RFWD3: variants seen among roughly 807,000 people sequenced by gnomAD.
RFWD3 encodes ring finger and WD repeat domain 3.
A neutral mutation model predicts 87.7 loss-of-function variants in RFWD3; 65 were observed. That is an observed-to-expected ratio of 0.74 (90% CI 0.61 to 0.91). The LOEUF (loss-of-function observed/expected upper bound fraction) is 0.91. RFWD3 is among the 40% of genes least tolerant of loss of function. RFWD3 has a pLI of 0.00. For missense variants in RFWD3, 1,078 were observed against 938.5 expected, an observed-to-expected ratio of 1.15 and a Z score of -1.94; for synonymous variants, 433 against 352.8, an observed-to-expected ratio of 1.23 and a Z score of -2.55.
chr16:74,657,940 T>A (rs79197706), intron 2 of RFWD3, among the ~76,000 whole-genome samples: 2 of 152,282 alleles, frequency 1.3e-5, no homozygotes, highest in South Asian at 4.1e-4. Flanking sequence ...CGTATATCAA[T>A]AGAATTCTAC....
At chr16:74,632,792 G>C (rs1959141698) in intron 8 of RFWD3, 119 bp from the exon 9 acceptor site, 1 of 877,580 alleles carries the variant, frequency 1.1e-6, no homozygotes, top group Admixed American at 2.8e-5. Flanking sequence ...TTGGGAACCA[G>C]CTGGTCAAAC....
chr16:74,654,370 CCT>C (rs1369005203), intron 2 of RFWD3, among the ~76,000 whole-genome samples: 1 of 151,480 alleles, frequency 6.6e-6, no homozygotes, highest in African/African-American at 2.4e-5. Flanking sequence ...TTTGTTTGTT[CCT>C]CTGTTATTTA....
intron 12 of RFWD3, among the ~76,000 whole-genome samples, chr16:74,625,761 CAA>C (rs1222417999): frequency 1.3e-5 from 2 of 152,242 alleles, no homozygotes; most frequent in Non-Finnish European, 2.9e-5. Context: ...TCTAGTCACA[CAA>C]GTTTATATTT....
chr16:74,621,828 G>A lies in RFWD3; in HGVS notation c.*2100C>T, dbSNP rs888345662. Reference sequence around the variant, plus strand: ...TCCTGCCTCAGCCTCCCAAGTAGCTGGGACTACAGGCATGCGCACCACTGC... The same window carrying A: ...TCCTGCCTCAGCCTCCCAAGTAGCTAGGACTACAGGCATGCGCACCACTGC... On this transcript the variant is annotated 3_prime_UTR_variant, in exon 13 of 13. Coordinates refer to ENST00000361070, the MANE Select transcript of RFWD3 (RefSeq NM_018124.4). 2.0e-5 allele frequency: 3 copies of A among 152,138 alleles called. No individual in the cohort carries two copies. Among genetic ancestry groups the A allele is most frequent in the Admixed American group, 6.6e-5 (1 of 15,252 alleles). 9.4% of individuals were successfully genotyped at this position (152,138 alleles called of 1,614,324 possible). A position where few individuals can be genotyped will look rare whatever the true frequency, so the allele number is the denominator to read the frequency against.
chr16:74,652,187 G>A, intron 2 of RFWD3, 65 bp from the exon 3 acceptor site: 1 of 1,419,404 alleles, frequency 7.0e-7, no homozygotes, highest in Non-Finnish European at 9.8e-7. Flanking sequence ...ACAATCTATA[G>A]TGATTTGAAG....
chr16:74,630,237 A>C (rs141980359), intron 10 of RFWD3, among the ~76,000 whole-genome samples: 5 of 152,212 alleles, frequency 3.3e-5, no homozygotes, highest in Non-Finnish European at 5.9e-5. Flanking sequence ...CTGGGATTAC[A>C]GGCGTGTGCC....
intron 12 of RFWD3, among the ~76,000 whole-genome samples, chr16:74,625,622 C>T (rs1280930221): frequency 1.3e-5 from 2 of 151,918 alleles, no homozygotes; most frequent in East Asian, 1.9e-4. Flanking sequence ...TCTTATAGAA[C>T]GCCCACAACC....
chr16:74,665,003 C>T (rs1038699231), intron 1 of RFWD3, among the ~76,000 whole-genome samples: 3 of 152,150 alleles, frequency 2.0e-5, no homozygotes, highest in Admixed American at 6.6e-5. Context: ...GTCACACAAA[C>T]GCTGTTTTTT....
rs149366908 is a variant in RFWD3 at position 74,640,677 on chromosome 16, T to A, written c.1080-2707A>T. On this transcript the variant is annotated intron_variant, in intron 6 of 12. Coordinates refer to ENST00000361070, the MANE Select transcript of RFWD3 (RefSeq NM_018124.4). ...TTTTTTGGCCAGGCGCAGTGGCTCA[T>A]GCCTGTAATCCCAGCACTCTGGGAG... Among the ~76,000 whole-genome samples the A allele has an allele frequency of 1.7e-4, 25 of 151,222 alleles. No homozygotes were observed. In the East Asian group the frequency reaches 2.2e-3, roughly 13 times the overall value.
At chr16:74,665,402 AC>A (rs1961801411) in intron 1 of RFWD3, 1 of 151,826 alleles carries the variant, frequency 6.6e-6, no homozygotes, top group Admixed American at 6.6e-5. Context: ...ATATGGTGAA[AC>A]CCCGTCTCCA....
chr16:74,641,414 C>G (rs1053494292), intron 6 of RFWD3, among the ~76,000 whole-genome samples: 6 of 152,046 alleles, frequency 3.9e-5, no homozygotes, highest in Admixed American at 2.6e-4. Flanking sequence ...CCGCCCACCT[C>G]AGCCCCTCAA....
rs1029446625 is a variant in RFWD3 at position 74,622,754 on chromosome 16, A to G, written c.*1174T>C. ...ATTCTGTTGTGGAAGTGGGTTGGCA[A>G]AGTAGTCTGAGGCAAGGCAAAGAAA... On this transcript the variant is annotated 3_prime_UTR_variant, in exon 13 of 13. Coordinates refer to ENST00000361070, the MANE Select transcript of RFWD3 (RefSeq NM_018124.4). 1 of 152,188 alleles carries G rather than the reference A, an allele frequency of 6.6e-6. No homozygotes were observed. Among genetic ancestry groups the G allele is most frequent in the South Asian group, 2.1e-4 (1 of 4,832 alleles). The allele number at this position is 152,188 out of a possible 1,614,324, so 9.4% of individuals were successfully genotyped here.
At position 74,622,775 on chromosome 16, in the gene RFWD3, A is replaced by G. The variant is rs1331049936; in HGVS notation, c.*1153T>C. 1 of 152,230 alleles carries G rather than the reference A, an allele frequency of 6.6e-6. No homozygotes were observed. Among genetic ancestry groups the G allele is most frequent in the African/African-American group, 2.4e-5 (1 of 41,456 alleles). The allele number at this position is 152,230 out of a possible 1,614,324, so 9.4% of individuals were successfully genotyped here. A position where few individuals can be genotyped will look rare whatever the true frequency, so the allele number is the denominator to read the frequency against. ...GGCAAAGTAGTCTGAGGCAAGGCAAAGAAATACAAACTGAGCCCTAGAAAA... is the reference window on the plus strand; with the variant it reads ...GGCAAAGTAGTCTGAGGCAAGGCAAGGAAATACAAACTGAGCCCTAGAAAA... On this transcript the variant is annotated 3_prime_UTR_variant, in exon 13 of 13. Coordinates refer to ENST00000361070, the MANE Select transcript of RFWD3 (RefSeq NM_018124.4).
At chr16:74,633,563 C>A (rs1959166942) in intron 8 of RFWD3, among the ~76,000 whole-genome samples, 1 of 152,128 alleles carries the variant, frequency 6.6e-6, no homozygotes, top group African/African-American at 2.4e-5. Flanking sequence ...GCAAACTCAT[C>A]TGTAGTGACA....
chr16:74,629,417 G>C (rs956779054), intron 10 of RFWD3, among the ~76,000 whole-genome samples: 2 of 152,300 alleles, frequency 1.3e-5, no homozygotes, highest in South Asian at 4.1e-4. Flanking sequence ...CCAGCACTTC[G>C]GGAAGCCGAG....
rs1300202850 is a variant in RFWD3, at chr16:74,652,019, A to C, written c.622T>G (p.Leu208Val). Residue 208 changes from leucine to valine, a missense_variant, in exon 3 of 13, where the codon TTG becomes GTG. Coordinates refer to ENST00000361070, the MANE Select transcript of RFWD3 (RefSeq NM_018124.4). Reference sequence around the variant, plus strand: ...GAATCAGAACTACTAGACACCTGCAACTCTTCAGATACAGGATTCCTAGTC... The same window carrying C: ...GAATCAGAACTACTAGACACCTGCACCTCTTCAGATACAGGATTCCTAGTC... ...SETRNPVSEE[L>V]QVSSSSDSDS... 2 of 1,613,816 alleles carry C rather than the reference A, an allele frequency of 1.2e-6. No homozygotes were observed. The highest frequency in any genetic ancestry group is 3.3e-5 in the Admixed American group (2 of 59,976).
chr16:74,629,119 TTTAGG>T (rs761488176), intron 10 of RFWD3, among the ~76,000 whole-genome samples: 4 of 152,158 alleles, frequency 2.6e-5, no homozygotes, highest in Non-Finnish European at 4.4e-5. Context: ...ACAGGACTGT[TTTAGG>T]TTTTCTAAAT....
At position 74,658,320 on chromosome 16, in the gene RFWD3, G is replaced by A. The variant is rs114992852; in HGVS notation, c.518+2612C>T. On this transcript the variant is annotated intron_variant, in intron 2 of 12. Transcript: ENST00000361070. Reference sequence around the variant, plus strand: ...GAATGAGTGATGACCCCCACTGCCAGAATGAAACCGCCCCAAACAAATCAG... The same window carrying A: ...GAATGAGTGATGACCCCCACTGCCAAAATGAAACCGCCCCAAACAAATCAG... 8.7e-3 allele frequency among the ~76,000 whole-genome samples: 1,327 copies of A among 152,310 alleles called. 20 individuals are homozygous for A. The highest frequency in any genetic ancestry group is 0.03 in the African/African-American group (1,254 of 41,574).
intron 8 of RFWD3, among the ~76,000 whole-genome samples, chr16:74,634,083 G>C (rs1037977252): frequency 6.6e-6 from 1 of 152,046 alleles, no homozygotes; most frequent in East Asian, 1.9e-4. Context: ...TAAATATGTA[G>C]TTTACTCTCT....
Sources: allele counts gnomAD v4.1 joint callset (sites outside exome capture counted in the v4.1 genomes callset), GRCh38; gene constraint gnomAD v4.1.1; transcripts MANE v1.5; gene names NCBI Gene and HGNC (gene_info 2026-07-23, HGNC 2026-07-21).